The following DPP6 variants were observed in gnomAD, a reference collection of about 807,000 sequenced individuals.
DPP6 encodes the protein dipeptidyl peptidase like 6.
A neutral mutation model predicts 122.6 loss-of-function variants in DPP6; 69 were observed. That is an observed-to-expected ratio of 0.56 (90% CI 0.46 to 0.69). The LOEUF (loss-of-function observed/expected upper bound fraction) is 0.69, where lower values mean the gene tolerates loss of function less well. Among genes scored for constraint, DPP6 ranks in the 30% least tolerant of loss-of-function variants. The pLI is 0.00. For missense variants in DPP6, 928 were observed against 1,116.9 expected, an observed-to-expected ratio of 0.83 and a Z score of 2.41; for synonymous variants, 418 against 433.1, an observed-to-expected ratio of 0.97 and a Z score of 0.43.
chr7:154,575,486 T>G (rs1831573591), intron 5 of DPP6, among the ~76,000 whole-genome samples: 26 of 132,430 alleles, frequency 2.0e-4, no homozygotes, highest in Non-Finnish European at 3.4e-4. Flanking sequence ...GGTGTGTGTG[T>G]GGTGTGTGTT....
At chr7:154,848,675 G>T (rs1170724729) in intron 16 of DPP6, among the ~76,000 whole-genome samples, 4 of 151,998 alleles carry the variant, frequency 2.6e-5, no homozygotes, top group African/African-American at 9.7e-5. Flanking sequence ...ATGCAATCCC[G>T]TTCACCTAGC....
intron 1 of DPP6, among the ~76,000 whole-genome samples, chr7:153,990,721 T>G (rs1368809899): frequency 6.6e-6 from 1 of 151,970 alleles, no homozygotes; most frequent in Non-Finnish European, 1.5e-5. Flanking sequence ...TCCCCAGGTA[T>G]TGCCTATGGT....
chr7:154,276,454 G>A (rs1804134256), intron 1 of DPP6, among the ~76,000 whole-genome samples: 1 of 152,126 alleles, frequency 6.6e-6, no homozygotes, highest in Non-Finnish European at 1.5e-5. Flanking sequence ...GCATTGATAA[G>A]GTCAATAATT....
intron 1 of DPP6, among the ~76,000 whole-genome samples, chr7:154,288,466 C>T (rs1262006562): frequency 1.3e-5 from 2 of 152,220 alleles, no homozygotes; most frequent in Non-Finnish European, 1.5e-5. Flanking sequence ...TGTGTGACCT[C>T]AGACCAGGAG....
At chr7:154,252,421 G>A (rs142055703) in intron 1 of DPP6, among the ~76,000 whole-genome samples, 28 of 152,348 alleles carry the variant, frequency 1.8e-4, no homozygotes, top group African/African-American at 6.7e-4. Context: ...TGCTGGCTAT[G>A]ATACGAACAC....
At chr7:154,650,858 A>C (rs1836834352) in intron 6 of DPP6, among the ~76,000 whole-genome samples, 2 of 152,282 alleles carry the variant, frequency 1.3e-5, no homozygotes, top group East Asian at 3.9e-4. Context: ...CGTCCTACCT[A>C]GTAGAGGGAG....
intron 5 of DPP6, among the ~76,000 whole-genome samples, chr7:154,581,863 G>A (rs1215530670): frequency 1.3e-5 from 2 of 152,284 alleles, no homozygotes; most frequent in Non-Finnish European, 2.9e-5. Flanking sequence ...TACCGAAAAG[G>A]CCCCATTCTC....
intron 5 of DPP6, among the ~76,000 whole-genome samples, chr7:154,633,066 A>G (rs1030879750): frequency 6.6e-6 from 1 of 152,182 alleles, no homozygotes; most frequent in Non-Finnish European, 1.5e-5. Flanking sequence ...TCCAGGAGAG[A>G]TATTAATGTA....
intron 1 of DPP6, among the ~76,000 whole-genome samples, chr7:153,974,671 G>A (rs1041620191): frequency 6.6e-6 from 1 of 152,310 alleles, no homozygotes; most frequent in South Asian, 2.1e-4. Context: ...GGGCCCTGAG[G>A]GTCGGTTGCA....
rs1361555851 is a variant in DPP6 at position 153,961,614 on chromosome 7, G to A, written c.51+73880G>A. On this transcript the variant is annotated intron_variant, in intron 1 of 25. Coordinates refer to the DPP6 transcript ENST00000404039. ...ATGATTCAAGCACATTGCACTTATTGTGCACTTTATTTCTTATTCTTATTA... is the reference window on the plus strand; with the variant it reads ...ATGATTCAAGCACATTGCACTTATTATGCACTTTATTTCTTATTCTTATTA... Among the ~76,000 whole-genome samples, 243 of 151,724 alleles carry A rather than the reference G, an allele frequency of 1.6e-3. 6 individuals carry two copies. The highest frequency in any genetic ancestry group is 2.2e-4 in the Non-Finnish European group (15 of 67,982).
chr7:154,607,501 G>T (rs1258246520), intron 5 of DPP6, among the ~76,000 whole-genome samples: 1 of 94,422 alleles, frequency 1.1e-5, no homozygotes, highest in Non-Finnish European at 2.2e-5. Flanking sequence ...GCCAGAGCTT[G>T]CAGTGAGCCG....
chr7:154,552,499 C>T (rs1829710070), intron 4 of DPP6, among the ~76,000 whole-genome samples: 1 of 152,216 alleles, frequency 6.6e-6, no homozygotes, highest in African/African-American at 2.4e-5. Flanking sequence ...TACCACCCAG[C>T]AGGGGCGTCC....
At chr7:153,851,572 T>C in the DPP6 span, among the ~76,000 whole-genome samples, 3 of 152,320 alleles carry the variant, frequency 2.0e-5, no homozygotes, top group East Asian at 1.9e-4. Context: ...CTTTTTATCT[T>C]TGGCTTTCTG....
At chr7:154,233,657 C>T (rs1294218107) in intron 1 of DPP6, among the ~76,000 whole-genome samples, 1 of 152,170 alleles carries the variant, frequency 6.6e-6, no homozygotes, top group Non-Finnish European at 1.5e-5. Flanking sequence ...CCAGCAAACC[C>T]ACCAAAAACT....
At chr7:154,555,171 A>G (rs1329375558) in intron 4 of DPP6, among the ~76,000 whole-genome samples, 1 of 152,202 alleles carries the variant, frequency 6.6e-6, no homozygotes, top group Non-Finnish European at 1.5e-5. Context: ...AATGATTCAA[A>G]TAAGAACTAG....
chr7:154,184,079 AG>A (rs936166131), intron 1 of DPP6, among the ~76,000 whole-genome samples: 5 of 152,138 alleles, frequency 3.3e-5, no homozygotes, highest in African/African-American at 1.2e-4. Flanking sequence ...AAACATGGAT[AG>A]GAAGCCCTGC....
chr7:153,766,525 G>C, the DPP6 span, among the ~76,000 whole-genome samples: 2 of 152,122 alleles, frequency 1.3e-5, no homozygotes, highest in African/African-American at 4.8e-5. Flanking sequence ...CATTAAACAT[G>C]CTCAATAAAT....
At chr7:153,871,658 C>T in the DPP6 span, among the ~76,000 whole-genome samples, 5 of 152,170 alleles carry the variant, frequency 3.3e-5, no homozygotes, top group African/African-American at 9.7e-5. Context: ...CACCCACTGT[C>T]CTGCACCCAC....
At chr7:154,543,436 A>T (rs1828890571) in intron 4 of DPP6, among the ~76,000 whole-genome samples, 1 of 152,126 alleles carries the variant, frequency 6.6e-6, no homozygotes, top group South Asian at 2.1e-4. Flanking sequence ...GCTTACTGTG[A>T]TTGGCTCTTA....
Sources: allele counts gnomAD v4.1 joint callset (sites outside exome capture counted in the v4.1 genomes callset), GRCh38; gene constraint gnomAD v4.1.1; transcripts MANE v1.5; gene names NCBI Gene and HGNC (gene_info 2026-07-23, HGNC 2026-07-21).